The following PEX5 variants were observed in gnomAD, a reference collection of about 807,000 sequenced individuals.
PEX5 encodes the protein PTS1 receptor.
PEX5 carries 52 observed loss-of-function variants against 82.9 expected under a neutral mutation model. That is an observed-to-expected ratio of 0.63 (90% CI 0.50 to 0.79). The LOEUF (loss-of-function observed/expected upper bound fraction) is 0.79. PEX5 is among the 30% of genes least tolerant of loss of function. The probability of loss-of-function intolerance (pLI) is 0.00; values close to 1 mark genes in which losing one functional copy is unlikely to be tolerated. For synonymous variants in PEX5, 300 were observed against 318.8 expected (o/e 0.94, Z 0.63); for missense variants, 719 against 815.2 (o/e 0.88, Z 1.44).
At chr12:7,202,192 C>T (rs1944159639) in intron 7 of PEX5, 49 bp from the exon 8 acceptor site, 1 of 1,613,104 alleles carries the variant, frequency 6.2e-7, no homozygotes. Context: ...TGAGAGTGCA[C>T]ACCTGGAAGT....
chr12:7,199,334 A>C, intron 6 of PEX5, among the ~76,000 whole-genome samples: 1 of 149,558 alleles, frequency 6.7e-6, no homozygotes, highest in Non-Finnish European at 1.5e-5. Context: ...TGGTTTTCCT[A>C]GGCAGAGGAC....
At chr12:7,189,839 TG>T in intron 1 of PEX5, 89 bp downstream of exon 1, 1 of 1,172,984 alleles carries the variant, frequency 8.5e-7, no homozygotes, top group Non-Finnish European at 1.1e-6. Flanking sequence ...GGGGCGGGGC[TG>T]GAGCGGCAGC....
At chr12:7,190,121 G>A (rs1940704610) in intron 1 of PEX5, 2 of 1,483,216 alleles carry the variant, frequency 1.3e-6, no homozygotes, top group Non-Finnish European at 1.8e-6. Context: ...TGGGACCGTA[G>A]TCGCGGAGGC....
In PEX5 at chr12:7,207,996, C is replaced by T; in HGVS notation, c.1111-14C>T. ...GTGAATATGGGGTGATGGAATCTGTCAACTTCCCTCTAGGCTTGGCAGTAT... is the reference window on the plus strand; with the variant it reads ...GTGAATATGGGGTGATGGAATCTGTTAACTTCCCTCTAGGCTTGGCAGTAT... On this transcript the variant is annotated splice_polypyrimidine_tract_variant and intron_variant, in intron 11 of 15. Transcript: ENST00000675855. 1.2e-6 allele frequency: 2 copies of T among 1,610,360 alleles called. No individual in the cohort carries two copies. The highest frequency in any genetic ancestry group is 2.2e-5 in the East Asian group (1 of 44,860).
intron 1 of PEX5, chr12:7,190,097 T>C: frequency 2.7e-6 from 4 of 1,491,100 alleles, no homozygotes; most frequent in Non-Finnish European, 3.5e-6. Flanking sequence ...AGGCAGCTGC[T>C]GGCCCCCAGC....
chr12:7,207,908 A>G lies in PEX5; in HGVS notation c.1111-102A>G. 3 of 1,525,384 alleles carry G rather than the reference A, an allele frequency of 2.0e-6. No individual in the cohort carries two copies. The South Asian group carries it at 3.4e-5, about 17-fold the overall frequency. The allele number at this position is 1,525,384 out of a possible 1,614,324, so 94.5% of individuals were successfully genotyped here. A position where few individuals can be genotyped will look rare whatever the true frequency, so the allele number is the denominator to read the frequency against. On this transcript the variant is annotated intron_variant, in intron 11 of 15. Transcript: ENST00000675855. ...TGGGTTAGGGCCTGGGTGATGGCCT[A>G]GGATAGGGGCTTGAGAGCGAGATGG...
At chr12:7,203,017 G>C (rs1273920303) in intron 9 of PEX5, among the ~76,000 whole-genome samples, 4 of 152,056 alleles carry the variant, frequency 2.6e-5, no homozygotes, top group Non-Finnish European at 5.9e-5. Context: ...AATTAGCGTG[G>C]TGTGTTGGCG....
chr12:7,208,420 T>A, intron 12 of PEX5, 37 bp from the exon 13 acceptor site: 8 of 1,490,118 alleles, frequency 5.4e-6, no homozygotes, highest in Non-Finnish European at 7.5e-6. Flanking sequence ...GTGTCAGTCA[T>A]TGCAGATATC....
In PEX5 at chr12:7,210,562, G is replaced by A; in HGVS notation, c.*339G>A. On this transcript the variant is annotated 3_prime_UTR_variant, in exon 16 of 16. Transcript: ENST00000675855. ...ATCATCAGCTGCCATTTCTGATAGG[G>A]TCTACCACATCTGTAATGTCTGTCC... 1 of 425,502 alleles carries A rather than the reference G, an allele frequency of 2.4e-6. No homozygotes were observed. The highest frequency in any genetic ancestry group is 4.4e-6 in the Non-Finnish European group (1 of 225,958). 26.4% of individuals were successfully genotyped at this position (425,502 alleles called of 1,614,324 possible).
At chr12:7,190,057 T>TGGTCCCCCGG in intron 1 of PEX5, 1 of 1,501,412 alleles carries the variant, frequency 6.7e-7, no homozygotes, top group East Asian at 2.5e-5. Context: ...AGCGTCCCCG[T>TGGTCCCCCGG]GGTCCCCCGG....
chr12:7,215,827 A>G (rs868604847), downstream of PEX5, among the ~76,000 whole-genome samples: 1 of 152,196 alleles, frequency 6.6e-6, no homozygotes, highest in South Asian at 2.1e-4. Context: ...ACCAAACCTC[A>G]GCGACATGCA....
chr12:7,199,263 G>A, intron 6 of PEX5, 150 bp downstream of exon 6: 1 of 483,048 alleles, frequency 2.1e-6, no homozygotes, highest in East Asian at 4.1e-5. Flanking sequence ...GGGGGATTTG[G>A]CAGGGTCATA....
At position 7,207,775 on chromosome 12, in the gene PEX5, T is replaced by C; in HGVS notation, c.1083T>C (p.Ala361=). Residue 361 remains alanine, a synonymous_variant, in exon 11 of 16, where the codon GCT becomes GCC. Coordinates refer to ENST00000675855, the MANE Select transcript of PEX5 (RefSeq NM_001351132.2). Reference sequence around the variant, plus strand: ...ATGCTGTGCTGCTTTTTGAGGCAGCTGTGCAGCAGGATCCTAAGCACATGG... The same window carrying C: ...ATGCTGTGCTGCTTTTTGAGGCAGCCGTGCAGCAGGATCCTAAGCACATGG... ...LPNAVLLFEA[A]VQQDPKHMEA... is the part of the protein sequence containing the mutation. The C allele has an allele frequency of 5.0e-6, 8 of 1,614,162 alleles. No individual in the cohort carries two copies. The highest frequency in any genetic ancestry group is 6.8e-6 in the Non-Finnish European group (8 of 1,179,988).
intron 14 of PEX5, 148 bp from the exon 15 acceptor site, chr12:7,209,535 T>C: frequency 5.8e-6 from 1 of 171,838 alleles, no homozygotes; most frequent in East Asian, 2.9e-4. Flanking sequence ...CACCGAACTG[T>C]TGAGAATGGA....
chr12:7,196,014 T>C (rs1173490256), intron 5 of PEX5, among the ~76,000 whole-genome samples: 1 of 40,530 alleles, frequency 2.5e-5, no homozygotes, highest in African/African-American at 8.5e-5. Context: ...ATATTTCTTA[T>C]TACATTATAC....
Position 7,190,377 on chromosome 12 carries a change from C to T in PEX5, c.-1C>T, listed in dbSNP as rs767210754. 3.7e-6 allele frequency: 6 copies of T among 1,614,208 alleles called. No homozygotes were observed. Among genetic ancestry groups the T allele is most frequent in the Non-Finnish European group, 3.4e-6 (4 of 1,180,030 alleles). ...TGTCCATCAGAGAGCTGGCGGTCAC[C>T]ATGGCAATGCGGGAGCTGGTGGAGG... On this transcript the variant is annotated 5_prime_UTR_variant, in exon 2 of 16. Transcript: ENST00000675855.
In PEX5 at chr12:7,202,643, C is replaced by G. The variant is rs746370272; in HGVS notation, c.785C>G (p.Thr262Arg). Residue 262 changes from threonine to arginine, a missense_variant, in exon 9 of 16, where the codon ACA becomes AGA. Thr to Arg is a moderately conservative substitution (Grantham distance 71). Transcript: ENST00000675855. ...GTSDAWVDQF[T>R]RPVNTSALDM... ...TCAGATGCCTGGGTTGACCAGTTCA[C>G]AAGACCAGTAAACACATCTGCCCTT... 1 of 1,614,104 alleles carries G rather than the reference C, an allele frequency of 6.2e-7. No individual in the cohort carries two copies. The highest frequency in any genetic ancestry group is 1.3e-5 in the African/African-American group (1 of 75,000).
chr12:7,217,758 C>T (rs1945818662), intron 17 of PEX5, among the ~76,000 whole-genome samples: 1 of 152,246 alleles, frequency 6.6e-6, no homozygotes, highest in South Asian at 2.1e-4. Context: ...AGCCTCCACC[C>T]ATACACCCAA....
At position 7,208,541 on chromosome 12, in the gene PEX5, C is replaced by A. The variant is rs770732569; in HGVS notation, c.1266C>A (p.Ala422=). The A allele has an allele frequency of 6.2e-7, 1 of 1,614,110 alleles. No homozygotes were observed. The highest frequency in any genetic ancestry group is 8.5e-7 in the Non-Finnish European group (1 of 1,179,956). The change falls in exon 13 of 16, where the codon GCC becomes GCA. Residue 422 remains alanine (A), a synonymous_variant. Transcript: ENST00000675855. ...SFTNESLQRQ[A]CETLRDWLRY... The stretch of plus-strand genomic sequence containing the variant: ...CCAACGAGTCCCTGCAGCGACAGGC[C>A]TGTGAAACCCTACGAGACTGGCTGC...
Sources: allele counts gnomAD v4.1 joint callset (sites outside exome capture counted in the v4.1 genomes callset), GRCh38; gene constraint gnomAD v4.1.1; transcripts MANE v1.5; gene names NCBI Gene and HGNC (gene_info 2026-07-23, HGNC 2026-07-21).